CHMP4B: variants seen among roughly 807,000 people sequenced by gnomAD.
CHMP4B encodes charged multivesicular body protein 4B, also known as SNF7 homolog associated with Alix 1.
A neutral mutation model predicts 25.1 loss-of-function variants in CHMP4B; 1 was observed. The ratio of observed to expected loss-of-function variants is 0.04; its 90% CI spans 0.01 to 0.19. The LOEUF is 0.19. Ranked by LOEUF, CHMP4B falls within the 10% of genes least tolerant of loss-of-function variation. The pLI, the probability that CHMP4B is intolerant of heterozygous loss-of-function variation, is 1.00. For synonymous variants in CHMP4B, 101 were observed against 115.6 expected (o/e 0.87, Z 0.81); for missense variants, 151 against 289.7 (o/e 0.52, Z 3.48).
At chr20:33,847,074 A>G (rs1979707836) in intron 1 of CHMP4B, among the ~76,000 whole-genome samples, 2 of 152,148 alleles carry the variant, frequency 1.3e-5, no homozygotes, top group South Asian at 4.2e-4. Flanking sequence ...TGAAGCTTAT[A>G]TAGCATCCTG....
At chr20:33,831,519 C>T (rs1306949809) in intron 1 of CHMP4B, among the ~76,000 whole-genome samples, 2 of 152,028 alleles carry the variant, frequency 1.3e-5, no homozygotes, top group African/African-American at 4.8e-5. Flanking sequence ...TGTTAGCCAC[C>T]GTGCCTGGCT....
chr20:33,847,742 G>C (rs1000824159), intron 1 of CHMP4B, among the ~76,000 whole-genome samples: 3 of 152,134 alleles, frequency 2.0e-5, no homozygotes, highest in African/African-American at 4.8e-5. Flanking sequence ...GATGATGGAG[G>C]ATGCTGTAGT....
At chr20:33,835,518 A>T (rs1979367858) in intron 1 of CHMP4B, among the ~76,000 whole-genome samples, 1 of 152,002 alleles carries the variant, frequency 6.6e-6, no homozygotes, top group South Asian at 2.1e-4. Flanking sequence ...GTTTAAAATT[A>T]TTTTTTCTCT....
intron 1 of CHMP4B, among the ~76,000 whole-genome samples, chr20:33,832,849 G>A (rs1160335794): frequency 1.3e-5 from 2 of 149,654 alleles, no homozygotes; most frequent in Non-Finnish European, 2.9e-5. Context: ...CGCAATCATA[G>A]CTCACTGTAA....
rs1979933466 is a variant in CHMP4B at position 33,853,928 on chromosome 20, C to G, written c.*368C>G. On this transcript the variant is annotated 3_prime_UTR_variant, in exon 5 of 5. Transcript: ENST00000217402. ...AAATGACCTGAAATGTAGCCTCTGT[C>G]CTTGTAAGTCAGTTGACTTGCCGCA... The G allele has an allele frequency of 2.9e-6, 1 of 346,022 alleles. No homozygotes were observed. Among genetic ancestry groups the G allele is most frequent in the Non-Finnish European group, 5.5e-6 (1 of 180,860 alleles). 21.4% of individuals were successfully genotyped at this position (346,022 alleles called of 1,614,324 possible).
At chr20:33,820,838 G>T (rs1345121738) in intron 1 of CHMP4B, among the ~76,000 whole-genome samples, 1 of 152,182 alleles carries the variant, frequency 6.6e-6, no homozygotes, top group African/African-American at 2.4e-5. Flanking sequence ...ACTATTTGCA[G>T]TACTTTAAAA....
chr20:33,853,380 TG>T, intron 4 of CHMP4B, 115 bp from the exon 5 acceptor site: 1 of 922,784 alleles, frequency 1.1e-6, no homozygotes, highest in Non-Finnish European at 1.8e-6. Flanking sequence ...GAGAGGAGTC[TG>T]GCCACAGGGC....
intron 1 of CHMP4B, among the ~76,000 whole-genome samples, chr20:33,819,964 G>A (rs1978889645): frequency 6.6e-6 from 1 of 151,846 alleles, no homozygotes; most frequent in Non-Finnish European, 1.5e-5. Flanking sequence ...TCAGGAGATC[G>A]AGACCATCCT....
chr20:33,848,176 G>A (rs1029914713), intron 1 of CHMP4B, among the ~76,000 whole-genome samples: 6 of 152,186 alleles, frequency 3.9e-5, no homozygotes, highest in South Asian at 4.1e-4. Context: ...TTTGACCCCA[G>A]AGCATCTTCT....
intron 4 of CHMP4B, 108 bp downstream of exon 4, chr20:33,852,311 C>G (rs539967995): frequency 7.4e-7 from 1 of 1,352,288 alleles, no homozygotes; most frequent in Admixed American, 1.7e-5. Flanking sequence ...GGTCGGTTGG[C>G]TTTGGTCTGT....
At chr20:33,840,202 C>T (rs1979496694) in intron 1 of CHMP4B, among the ~76,000 whole-genome samples, 2 of 150,278 alleles carry the variant, frequency 1.3e-5, no homozygotes, top group African/African-American at 2.5e-5. Flanking sequence ...GCGGAGATCG[C>T]GCCACTGCAC....
At chr20:33,852,283 C>T (rs969341384) in intron 4 of CHMP4B, 80 bp downstream of exon 4, 64 of 1,559,986 alleles carry the variant, frequency 4.1e-5, no homozygotes, top group Non-Finnish European at 5.5e-5. Flanking sequence ...GGTTTGTGGT[C>T]GGTTGGCTTT....
intron 1 of CHMP4B, among the ~76,000 whole-genome samples, chr20:33,842,606 C>G (rs1188511113): frequency 6.6e-6 from 1 of 152,182 alleles, no homozygotes. Context: ...AGAATGCTCA[C>G]TTAGGCTGGA....
chr20:33,840,771 T>C (rs978239852), intron 1 of CHMP4B, among the ~76,000 whole-genome samples: 8 of 152,250 alleles, frequency 5.3e-5, no homozygotes, highest in African/African-American at 1.9e-4. Flanking sequence ...TGGGAAGTCC[T>C]GCAGTAAGTA....
At chr20:33,821,386 C>CAAAA (rs35674946) in intron 1 of CHMP4B, among the ~76,000 whole-genome samples, 1 of 106,236 alleles carries the variant, frequency 9.4e-6, no homozygotes, top group Non-Finnish European at 2.0e-5. Context: ...GACTCCATCT[C>CAAAA]AAAAAAAAAA....
chr20:33,813,980 C>T (rs189498955), intron 1 of CHMP4B, among the ~76,000 whole-genome samples: 5 of 152,324 alleles, frequency 3.3e-5, no homozygotes, highest in Admixed American at 1.3e-4. Flanking sequence ...ATCTGCCTGC[C>T]TCGGCCTCCC....
chr20:33,852,103 A>G lies in CHMP4B; in HGVS notation c.510A>G (p.Glu170=). 1 of 1,614,236 alleles carries G rather than the reference A, an allele frequency of 6.2e-7. No individual in the cohort carries two copies. Among genetic ancestry groups the G allele is most frequent in the Non-Finnish European group, 8.5e-7 (1 of 1,180,042 alleles). ...DEDELMAELE[E]LEQEELDKNL... ...ATGAGCTCATGGCGGAATTAGAAGAACTAGAACAGGAGGAACTAGACAAGA... is the reference window on the plus strand; with the variant it reads ...ATGAGCTCATGGCGGAATTAGAAGAGCTAGAACAGGAGGAACTAGACAAGA... The change falls in exon 4 of 5, where the codon GAA becomes GAG. Residue 170 remains glutamate (E), a synonymous_variant. Transcript: ENST00000217402.
At chr20:33,846,642 G>A (rs547722419) in intron 1 of CHMP4B, among the ~76,000 whole-genome samples, 24 of 152,326 alleles carry the variant, frequency 1.6e-4, no homozygotes, top group Non-Finnish European at 2.5e-4. Flanking sequence ...TCCTTAGGAC[G>A]GAATCCCAGG....
At chr20:33,825,571 T>C (rs1236347072) in intron 1 of CHMP4B, among the ~76,000 whole-genome samples, 2 of 152,296 alleles carry the variant, frequency 1.3e-5, no homozygotes, top group East Asian at 3.9e-4. Context: ...CTCCACACTC[T>C]GGAAATAAAA....
Sources: gnomAD v4.1 joint callset for allele counts (sites outside exome capture counted in the v4.1 genomes callset) on GRCh38, gnomAD v4.1.1 for gene constraint, MANE v1.5 for transcripts, NCBI Gene and HGNC (gene_info 2026-07-23, HGNC 2026-07-21) for gene names.